KIAA1217: variants seen among roughly 807,000 people sequenced by gnomAD.
KIAA1217 encodes KIAA1217.
KIAA1217 carries 88 observed loss-of-function variants against 163.9 expected under a neutral mutation model. The ratio of observed to expected loss-of-function variants is 0.54; its 90% CI spans 0.45 to 0.64. KIAA1217 has a LOEUF of 0.64. Ranked by LOEUF, KIAA1217 falls within the 30% of genes least tolerant of loss-of-function variation. The pLI is 0.00. For missense variants in KIAA1217, 2,372 were observed against 2,475.0 expected (o/e 0.96, Z 0.88); for synonymous variants, 903 against 923.1 (o/e 0.98, Z 0.39).
chr10:23,889,120 A>C (rs1841312820), intron 1 of KIAA1217, among the ~76,000 whole-genome samples: 1 of 151,886 alleles, frequency 6.6e-6, no homozygotes, highest in South Asian at 2.1e-4. Flanking sequence ...TATTGTAATT[A>C]AAGCTACTCT....
intron 3 of KIAA1217, among the ~76,000 whole-genome samples, chr10:24,403,537 C>T (rs951552030): frequency 6.6e-6 from 1 of 152,130 alleles, no homozygotes; most frequent in Non-Finnish European, 1.5e-5. Flanking sequence ...TCTTGCCCAG[C>T]CTGGATCTCC....
intron 1 of KIAA1217, among the ~76,000 whole-genome samples, chr10:23,996,296 G>A (rs114490106): frequency 5.1e-4 from 77 of 152,230 alleles, no homozygotes; most frequent in African/African-American, 1.8e-3. Flanking sequence ...GTGCTTATGC[G>A]CCTTCTTGCC....
intron 2 of KIAA1217, among the ~76,000 whole-genome samples, chr10:24,303,834 CGT>C (rs1363689060): frequency 1.3e-5 from 2 of 151,810 alleles, no homozygotes; most frequent in Non-Finnish European, 2.9e-5. Context: ...CAAATTTGCA[CGT>C]GTGTGGTTTT....
intron 2 of KIAA1217, among the ~76,000 whole-genome samples, chr10:24,322,052 G>A (rs540293079): frequency 1.3e-5 from 2 of 152,028 alleles, no homozygotes; most frequent in South Asian, 2.1e-4. Context: ...AGGTTCACGC[G>A]ATTCTCCCAC....
chr10:23,929,004 G>A (rs1843142817), intron 1 of KIAA1217, among the ~76,000 whole-genome samples: 1 of 152,178 alleles, frequency 6.6e-6, no homozygotes, highest in Non-Finnish European at 1.5e-5. Context: ...GCGTACACAA[G>A]CTTGGCATGA....
At chr10:24,484,224 CATATATAT>C in intron 6 of KIAA1217, among the ~76,000 whole-genome samples, 1 of 90,544 alleles carries the variant, frequency 1.1e-5, no homozygotes, top group South Asian at 4.5e-4. Context: ...GATAGATATA[CATATATAT>C]ATATATATAT....
At chr10:23,911,410 G>T (rs1283831373) in intron 1 of KIAA1217, among the ~76,000 whole-genome samples, 1 of 152,176 alleles carries the variant, frequency 6.6e-6, no homozygotes, top group East Asian at 1.9e-4. Flanking sequence ...ACAGCTTCAA[G>T]CCTTCTGTCT....
chr10:24,199,134 AC>A (rs141127606), intron 2 of KIAA1217, among the ~76,000 whole-genome samples: 3,422 of 152,286 alleles, frequency 0.022, 59 homozygotes, highest in Non-Finnish European at 0.035. Flanking sequence ...AGTTGGGAGG[AC>A]CACTTGAGCC....
At chr10:23,875,884 G>A (rs1400787363) in intron 1 of KIAA1217, among the ~76,000 whole-genome samples, 2 of 149,378 alleles carry the variant, frequency 1.3e-5, no homozygotes, top group Non-Finnish European at 1.5e-5. Context: ...TCACTCATAG[G>A]TGGGAGTTAA....
intron 1 of KIAA1217, among the ~76,000 whole-genome samples, chr10:23,782,984 G>T (rs1327500902): frequency 6.6e-6 from 1 of 152,114 alleles, no homozygotes; most frequent in East Asian, 1.9e-4. Flanking sequence ...TTCATAAATG[G>T]ACTTTGTTAT....
intron 1 of KIAA1217, among the ~76,000 whole-genome samples, chr10:23,921,296 C>T (rs1842840706): frequency 1.3e-5 from 2 of 152,272 alleles, no homozygotes; most frequent in South Asian, 4.2e-4. Context: ...ACACCCCTTT[C>T]CTGCAGCTGG....
In KIAA1217 at chr10:24,476,844, T is replaced by G. The variant is rs559145108; in HGVS notation, c.1679+2784T>G. On this transcript the variant is annotated intron_variant, in intron 6 of 20. Coordinates refer to ENST00000376454, the MANE Select transcript of KIAA1217 (RefSeq NM_019590.5). ...CACACAGAGACACACACATACCACA[T>G]GGACACACAAAGACACAGACACACA... Among the ~76,000 whole-genome samples the G allele has an allele frequency of 2.4e-4, 36 of 151,420 alleles. No individual in the cohort carries two copies. In the South Asian group the frequency reaches 7.6e-3, roughly 32 times the overall value.
intron 1 of KIAA1217, among the ~76,000 whole-genome samples, chr10:23,840,906 T>G (rs1838748441): frequency 6.6e-6 from 1 of 152,196 alleles, no homozygotes; most frequent in Admixed American, 6.5e-5. Flanking sequence ...CATAGAATAG[T>G]GGTCAAGAAT....
At chr10:23,971,002 C>T (rs1279187423) in intron 1 of KIAA1217, among the ~76,000 whole-genome samples, 1 of 152,196 alleles carries the variant, frequency 6.6e-6, no homozygotes, top group African/African-American at 2.4e-5. Flanking sequence ...ATAAAGTGCA[C>T]TTGGAAGAGG....
At chr10:23,876,640 A>G (rs1840709968) in intron 1 of KIAA1217, among the ~76,000 whole-genome samples, 1 of 151,966 alleles carries the variant, frequency 6.6e-6, no homozygotes, top group South Asian at 2.1e-4. Context: ...CACATCTTCT[A>G]CAATGCTAGA....
chr10:23,831,133 C>T (rs945853023), intron 1 of KIAA1217, among the ~76,000 whole-genome samples: 3 of 152,010 alleles, frequency 2.0e-5, no homozygotes, highest in South Asian at 2.1e-4. Context: ...ACCCTTATCT[C>T]GTGCTACACA....
chr10:24,208,976 G>A (rs1223864162), upstream of KIAA1217: 54 of 518,838 alleles, frequency 1.0e-4, no homozygotes, highest in Non-Finnish European at 2.1e-5. Context: ...TAGGGACGGA[G>A]GGCCAGGGGC....
At chr10:24,190,726 C>T (rs142192307) in intron 2 of KIAA1217, among the ~76,000 whole-genome samples, 1,615 of 152,254 alleles carry the variant, frequency 0.011, 28 homozygotes, top group African/African-American at 0.036. Flanking sequence ...AACACCTTTC[C>T]ATCCTTTGGC....
intron 4 of KIAA1217, among the ~76,000 whole-genome samples, chr10:24,434,989 TTC>T (rs1157030000): frequency 3.3e-5 from 5 of 152,194 alleles, no homozygotes; most frequent in Admixed American, 6.5e-5. Context: ...AACTTGGGGT[TTC>T]TGAGTCCACA....
Sources: gnomAD v4.1 joint callset for allele counts (sites outside exome capture counted in the v4.1 genomes callset) on GRCh38, gnomAD v4.1.1 for gene constraint, MANE v1.5 for transcripts, NCBI Gene and HGNC (gene_info 2026-07-23, HGNC 2026-07-21) for gene names.